Variants in ATAD5 observed in about 807,000 individuals in gnomAD.
ATAD5 encodes the protein ATPase family AAA domain containing 5, also known as ATPase family AAA domain-containing protein 5.
Under a neutral mutation model 176.9 loss-of-function variants are expected in ATAD5, and 58 were observed. That is an observed-to-expected ratio of 0.33 (90% confidence interval 0.27 to 0.41). ATAD5 has a LOEUF of 0.41. Among genes scored for constraint, ATAD5 ranks in the 10% least tolerant of loss-of-function variants. The pLI, the probability that ATAD5 is intolerant of heterozygous loss-of-function variation, is 1.00. For missense variants in ATAD5, 1,789 were observed against 2,094.1 expected (o/e 0.85, Z 2.84); for synonymous variants, 640 against 712.6 (o/e 0.90, Z 1.62).
intron 18 of ATAD5, among the ~76,000 whole-genome samples, chr17:30,884,424 C>CTTTTTTTTTT (rs61664127): frequency 3.3e-3 from 267 of 80,948 alleles, no homozygotes; most frequent in Non-Finnish European, 4.2e-3. Flanking sequence ...CTTTTCTTTT[C>CTTTTTTTTTT]TTTTTTTTTT....
At chr17:30,874,607 CTATTTATT>C (rs200064158) in intron 14 of ATAD5, among the ~76,000 whole-genome samples, 223 of 133,232 alleles carry the variant, frequency 1.7e-3, no homozygotes, top group South Asian at 6.6e-3. Context: ...ATCTGTTCAA[CTATTTATT>C]TATTTATTTA....
intron 12 of ATAD5, 122 bp downstream of exon 12, chr17:30,868,534 GT>G: frequency 3.3e-6 from 2 of 598,602 alleles, no homozygotes; most frequent in Non-Finnish European, 4.8e-6. Context: ...TGGAGACAGA[GT>G]CTTGCTCTGT....
chr17:30,878,888 C>A (rs1360357161), intron 17 of ATAD5, among the ~76,000 whole-genome samples: 1 of 151,776 alleles, frequency 6.6e-6, no homozygotes, highest in Non-Finnish European at 1.5e-5. Context: ...CACACCACCA[C>A]GCCCAGCTAA....
intron 18 of ATAD5, among the ~76,000 whole-genome samples, chr17:30,885,381 T>C (rs1383148254): frequency 6.6e-6 from 1 of 152,128 alleles, no homozygotes; most frequent in Non-Finnish European, 1.5e-5. Context: ...AATCATGTTA[T>C]CTGCGAACAG....
chr17:30,885,108 G>A (rs1002327702), intron 18 of ATAD5, among the ~76,000 whole-genome samples: 3 of 152,042 alleles, frequency 2.0e-5, no homozygotes, highest in Non-Finnish European at 4.4e-5. Flanking sequence ...CTTTTCCTTT[G>A]TCGTTGCTAA....
Position 30,869,138 on chromosome 17 carries a change from T to A in ATAD5, c.3314-110T>A, listed in dbSNP as rs1908189752. 26 of 1,326,570 alleles carry A rather than the reference T, an allele frequency of 2.0e-5. No homozygotes were observed. The South Asian group carries it at 3.7e-4, about 19-fold the overall frequency. The allele number at this position is 1,326,570 out of a possible 1,614,324, so 82.2% of individuals were successfully genotyped here. ...ACTGCGTCCGGCCTGTATAAAGTAA[T>A]TTTTCAGCATCTATTGCAAGAAGTT... On this transcript the variant is annotated intron_variant, in intron 12 of 22. Coordinates refer to ENST00000321990, the MANE Select transcript of ATAD5 (RefSeq NM_024857.5).
At chr17:30,866,562 C>T (rs1485164325) in intron 11 of ATAD5, among the ~76,000 whole-genome samples, 1 of 151,378 alleles carries the variant, frequency 6.6e-6, no homozygotes, top group Non-Finnish European at 1.5e-5. Context: ...CACCTGTAAT[C>T]CCAGCACTTT....
Position 30,860,580 on chromosome 17 carries a change from A to T in ATAD5, c.3104A>T (p.Asn1035Ile). The T allele has an allele frequency of 6.3e-7, 1 of 1,580,226 alleles. No homozygotes were observed. The highest frequency in any genetic ancestry group is 8.5e-7 in the Non-Finnish European group (1 of 1,172,112). The change falls in exon 10 of 23, where the codon AAC (asparagine) becomes ATC (isoleucine). Residue 1035 changes from asparagine (N) to isoleucine (I), a missense_variant. Physicochemically the swap from Asn to Ile is moderately radical, Grantham distance 149. Transcript: ENST00000321990. ...RKSEELSKRN[N>I]SSGIKLDSSK... is the part of the protein sequence containing the mutation. ...TCAGAAGAACTTAGCAAAAGAAACAACTCTTCTGGGATAAAGCTAGATTCT... is the reference window on the plus strand; with the variant it reads ...TCAGAAGAACTTAGCAAAAGAAACATCTCTTCTGGGATAAAGCTAGATTCT...
intron 11 of ATAD5, among the ~76,000 whole-genome samples, chr17:30,867,018 G>C (rs1042418010): frequency 2.0e-5 from 3 of 151,586 alleles, no homozygotes; most frequent in African/African-American, 7.3e-5. Context: ...GCGTGAACTT[G>C]GTACTACTGT....
chr17:30,868,617 A>AGCC (rs1164587167), intron 12 of ATAD5, among the ~76,000 whole-genome samples: 5 of 147,446 alleles, frequency 3.4e-5, no homozygotes, highest in Non-Finnish European at 5.9e-5. Flanking sequence ...AGTGATTCTC[A>AGCC]TGCCTCAGCC....
chr17:30,873,929 G>C (rs1373562352), intron 14 of ATAD5, among the ~76,000 whole-genome samples: 1 of 152,070 alleles, frequency 6.6e-6, no homozygotes, highest in African/African-American at 2.4e-5. Flanking sequence ...CACTATGGGA[G>C]GCTGAGGCAG....
chr17:30,885,592 A>C (rs1435350507), intron 18 of ATAD5, among the ~76,000 whole-genome samples: 1 of 146,790 alleles, frequency 6.8e-6, no homozygotes, highest in African/African-American at 2.5e-5. Context: ...TCTTTTTATC[A>C]GATTAAGGAA....
At chr17:30,853,440 C>G (rs1907092779) in intron 6 of ATAD5, among the ~76,000 whole-genome samples, 1 of 151,928 alleles carries the variant, frequency 6.6e-6, no homozygotes, top group Non-Finnish European at 1.5e-5. Context: ...CTTTACCCAT[C>G]TTCCTCCTTC....
intron 3 of ATAD5, among the ~76,000 whole-genome samples, chr17:30,839,640 C>T (rs569954536): frequency 3.5e-5 from 5 of 144,216 alleles, no homozygotes; most frequent in Non-Finnish European, 7.5e-5. Context: ...AGTGCAATGG[C>T]GCGATTTTGG....
chr17:30,834,989 G>T lies in ATAD5; in HGVS notation c.908G>T (p.Gly303Val), dbSNP rs771126821. Reference protein sequence around the residue: ...SETVDEIVKSGYISESENSEI... With the variant: ...SETVDEIVKSVYISESENSEI... ...ACTGTCGACGAAATAGTCAAAAGTGGTTATATAAGTGAATCAGAAAACTCC... is the reference window on the plus strand; with the variant it reads ...ACTGTCGACGAAATAGTCAAAAGTGTTTATATAAGTGAATCAGAAAACTCC... Residue 303 changes from glycine (G) to valine (V), a missense_variant, in exon 2 of 23, where the codon GGT becomes GTT. This residue lies in a region of ATAD5 where 696 missense variants were observed against 712.5 expected (regional missense o/e 0.98). Transcript: ENST00000321990. The T allele has an allele frequency of 2.5e-6, 4 of 1,613,990 alleles. No individual in the cohort carries two copies. The highest frequency in any genetic ancestry group is 2.5e-6 in the Non-Finnish European group (3 of 1,179,990).
chr17:30,851,495 CAA>C (rs533451681), intron 6 of ATAD5, among the ~76,000 whole-genome samples: 48 of 105,236 alleles, frequency 4.6e-4, no homozygotes, highest in Admixed American at 8.3e-4. Flanking sequence ...GACTCTGTCT[CAA>C]AAAAAAAAAA....
chr17:30,894,772 T>A, intron 22 of ATAD5, 50 bp downstream of exon 22: 1 of 1,559,934 alleles, frequency 6.4e-7, no homozygotes, highest in Non-Finnish European at 8.7e-7. Flanking sequence ...TCAAGATTAA[T>A]ACATATTTTC....
At chr17:30,847,022 A>T (rs2142333891) in intron 6 of ATAD5, among the ~76,000 whole-genome samples, 1 of 151,660 alleles carries the variant, frequency 6.6e-6, no homozygotes, top group Non-Finnish European at 1.5e-5. Context: ...CCTGGCCCAC[A>T]GTTTGAGTTT....
In ATAD5 at chr17:30,893,343, C is replaced by T. The variant is rs757045361; in HGVS notation, c.4490C>T (p.Thr1497Ile). 9 of 1,589,794 alleles carry T rather than the reference C, an allele frequency of 5.7e-6. No individual in the cohort carries two copies. Among genetic ancestry groups the T allele is most frequent in the African/African-American group, 4.1e-5 (3 of 73,548 alleles). Residue 1497 changes from threonine (T) to isoleucine (I), a missense_variant, in exon 21 of 23, where the codon ACA becomes ATA. Coordinates refer to ENST00000321990, the MANE Select transcript of ATAD5 (RefSeq NM_024857.5). ...EEWHKFIQLL[T>I]EFQMRNVDFL... is the part of the protein sequence containing the mutation. ...TGGCATAAATTCATCCAGCTTCTTACAGAATTCCAAATGCGGAATGTAGAT... is the reference window on the plus strand; with the variant it reads ...TGGCATAAATTCATCCAGCTTCTTATAGAATTCCAAATGCGGAATGTAGAT...
Sources: allele counts gnomAD v4.1 joint callset (sites outside exome capture counted in the v4.1 genomes callset), GRCh38; gene constraint gnomAD v4.1.1; regional missense constraint gnomAD v4.1.1; transcripts MANE v1.5; gene names NCBI Gene and HGNC (gene_info 2026-07-23, HGNC 2026-07-21).